KCNQ1: variants seen among roughly 807,000 people sequenced by gnomAD.
KCNQ1 encodes the protein potassium voltage-gated channel subfamily KQT member 1.
In KCNQ1, 49 loss-of-function variants were observed where a neutral mutation model predicts 72.4. The observed-to-expected ratio is 0.68, with a 90% CI of 0.54 to 0.86. The LOEUF is 0.86. KCNQ1 is among the 40% of genes least tolerant of loss of function. KCNQ1 has a pLI of 0.00. For missense variants in KCNQ1, 790 were observed against 945.1 expected (o/e 0.84, Z 2.15); for synonymous variants, 450 against 412.6 (o/e 1.09, Z -1.10).
At chr11:2,453,229 C>G (rs546210954) in intron 1 of KCNQ1, among the ~76,000 whole-genome samples, 1 of 152,064 alleles carries the variant, frequency 6.6e-6, no homozygotes, top group African/African-American at 2.4e-5. Context: ...CAGAATTAGC[C>G]GGGCGTGGTG....
Position 2,528,343 on chromosome 11 carries a change from C to T in KCNQ1, c.477+325C>T, listed in dbSNP as rs530128213. Among the ~76,000 whole-genome samples the T allele has an allele frequency of 2.0e-5, 3 of 152,276 alleles. No individual in the cohort carries two copies. The East Asian group carries it at 5.8e-4, about 29-fold the overall frequency. On this transcript the variant is annotated intron_variant, in intron 2 of 15. Transcript: ENST00000155840. Reference sequence around the variant, plus strand: ...GTAGAGCTGGTGTGGCCAGCAAAGGCCTGCCCGAGCCTTCGTGTCCCTGGG... The same window carrying T: ...GTAGAGCTGGTGTGGCCAGCAAAGGTCTGCCCGAGCCTTCGTGTCCCTGGG...
At chr11:2,594,909 C>T (rs551144485) in intron 10 of KCNQ1, among the ~76,000 whole-genome samples, 2 of 152,280 alleles carry the variant, frequency 1.3e-5, no homozygotes, top group East Asian at 3.9e-4. Context: ...CATGATGGCT[C>T]ATTTCATTGT....
chr11:2,649,302 T>C (rs575879249), intron 10 of KCNQ1: 26 of 398,572 alleles, frequency 6.5e-5, no homozygotes, highest in Admixed American at 4.0e-4. Flanking sequence ...ATTGTTTTTC[T>C]TTGCAATTTT....
Position 2,830,766 on chromosome 11 carries a change from C to A in KCNQ1, c.1795-17001C>A, listed in dbSNP as rs1456149327. Among the ~76,000 whole-genome samples the A allele has an allele frequency of 6.6e-6, 1 of 152,218 alleles. No individual in the cohort carries two copies. The highest frequency in any genetic ancestry group is 2.4e-5 in the African/African-American group (1 of 41,462). On this transcript the variant is annotated intron_variant, in intron 15 of 15. Transcript: ENST00000155840. This position sits in a 1 kb window ranked among gnomAD's most constrained non-coding sequence, Gnocchi z 7.7. ...TCCCAAGGGCACCCCACGTGTGTGC[C>A]CTCCAGCACCCTGGCCACAGAGCCA...
At chr11:2,798,631 C>T (rs1847192620) in intron 15 of KCNQ1, among the ~76,000 whole-genome samples, 1 of 151,786 alleles carries the variant, frequency 6.6e-6, no homozygotes, top group African/African-American at 2.4e-5. Flanking sequence ...GTGTAAACAA[C>T]AGCTTGAAAT....
intron 1 of KCNQ1, among the ~76,000 whole-genome samples, chr11:2,518,812 G>T (rs374748442): frequency 6.6e-6 from 1 of 152,170 alleles, no homozygotes; most frequent in Admixed American, 6.5e-5. Context: ...CTCAGCTGCC[G>T]CGGAACAAGC....
At position 2,848,869 on chromosome 11, in the gene KCNQ1, G is replaced by C; in HGVS notation, c.*866G>C. ...CCTACACAGGACAGGGGTTCCTTCT[G>C]GGCATTACATCGCATAGAAATCAAT... On this transcript the variant is annotated 3_prime_UTR_variant, in exon 16 of 16. Transcript: ENST00000155840. 2.2e-6 allele frequency: 1 copy of C among 454,176 alleles called. No individual in the cohort carries two copies. The highest frequency in any genetic ancestry group is 4.4e-6 in the Non-Finnish European group (1 of 226,812). 28.1% of individuals were successfully genotyped at this position (454,176 alleles called of 1,614,324 possible). A position where few individuals can be genotyped will look rare whatever the true frequency, so the allele number is the denominator to read the frequency against.
rs1846738990 is a variant in KCNQ1, at chr11:2,486,253, G to A, written c.386+40769G>A. Among the ~76,000 whole-genome samples, 1 of 152,150 alleles carries A rather than the reference G, an allele frequency of 6.6e-6. No homozygotes were observed. The highest frequency in any genetic ancestry group is 2.4e-5 in the African/African-American group (1 of 41,420). ...TTTACATTTTCTTATGAGTAGTGAT[G>A]TTGAGTATCTTTTCATGCTCTTATT... On this transcript the variant is annotated intron_variant, in intron 1 of 15. Transcript: ENST00000155840. The surrounding 1 kb of genome is among the most constrained non-coding windows in gnomAD (Gnocchi z 5.0).
At chr11:2,622,082 T>G in intron 10 of KCNQ1, 1 of 398,384 alleles carries the variant, frequency 2.5e-6, no homozygotes. Context: ...CACTGTCATT[T>G]GTCTGAAGAT....
Position 2,559,009 on chromosome 11 carries a change from C to T in KCNQ1, c.478-11619C>T, listed in dbSNP as rs987287843. On this transcript the variant is annotated intron_variant, in intron 2 of 15. Transcript: ENST00000155840. This position sits in a 1 kb window ranked among gnomAD's most constrained non-coding sequence, Gnocchi z 4.9. Reference sequence around the variant, plus strand: ...CTCCTGCTCAGACCCAGGTGAGGTACCTGAGTGACAAATGTCAAGAGTTTG... The same window carrying T: ...CTCCTGCTCAGACCCAGGTGAGGTATCTGAGTGACAAATGTCAAGAGTTTG... 1.1e-4 allele frequency among the ~76,000 whole-genome samples: 17 copies of T among 152,184 alleles called. No homozygotes were observed. Among genetic ancestry groups the T allele is most frequent in the Admixed American group, 1.1e-3 (17 of 15,288 alleles).
At position 2,572,004 on chromosome 11, in the gene KCNQ1, C is replaced by A; in HGVS notation, c.684-9C>A. The A allele has an allele frequency of 6.2e-7, 1 of 1,610,946 alleles. No homozygotes were observed. Among genetic ancestry groups the A allele is most frequent in the East Asian group, 2.2e-5 (1 of 44,828 alleles). ...TGGCTCCCTCAGCCCCACACCATCT[C>A]CTTCGCAGGGGCATCCGCTTCCTGC... On this transcript the variant is annotated splice_polypyrimidine_tract_variant and intron_variant, in intron 4 of 15. Coordinates refer to ENST00000155840, the MANE Select transcript of KCNQ1 (RefSeq NM_000218.3).
At position 2,600,797 on chromosome 11, in the gene KCNQ1, T is replaced by A. The variant is rs1054192953; in HGVS notation, c.1393+11943T>A. Among the ~76,000 whole-genome samples, 18 of 152,168 alleles carry A rather than the reference T, an allele frequency of 1.2e-4. No homozygotes were observed. The highest frequency in any genetic ancestry group is 3.3e-4 in the Admixed American group (5 of 15,268). ...GGAACATTTCTAGTCTCTTTCTCTG[T>A]TATGACACTGATATTTTTTAAAGAT... On this transcript the variant is annotated intron_variant, in intron 10 of 15. Coordinates refer to ENST00000155840, the MANE Select transcript of KCNQ1 (RefSeq NM_000218.3). This position sits in a 1 kb window ranked among gnomAD's most constrained non-coding sequence, Gnocchi z 5.6.
At chr11:2,637,921 C>A (rs1475671093) in intron 10 of KCNQ1, 1 of 152,206 alleles carries the variant, frequency 6.6e-6, no homozygotes, top group African/African-American at 2.4e-5. Context: ...GAATTGATCC[C>A]TTTACCATTA....
chr11:2,797,031 G>A (rs1847150049), intron 15 of KCNQ1, among the ~76,000 whole-genome samples: 1 of 152,238 alleles, frequency 6.6e-6, no homozygotes, highest in Non-Finnish European at 1.5e-5. Flanking sequence ...CTGGTGGCAA[G>A]TGGCGGCAAA....
intron 1 of KCNQ1, among the ~76,000 whole-genome samples, chr11:2,513,173 C>T (rs1178903231): frequency 6.6e-6 from 1 of 152,174 alleles, no homozygotes; most frequent in Non-Finnish European, 1.5e-5. Context: ...CAGGGACTCC[C>T]CCACCCTCCG....
chr11:2,549,403 C>T lies in KCNQ1; in HGVS notation c.478-21225C>T, dbSNP rs1589944444. Among the ~76,000 whole-genome samples, 1 of 152,148 alleles carries T rather than the reference C, an allele frequency of 6.6e-6. No homozygotes were observed. Among genetic ancestry groups the T allele is most frequent in the Admixed American group, 6.5e-5 (1 of 15,288 alleles). On this transcript the variant is annotated intron_variant, in intron 2 of 15. Coordinates refer to ENST00000155840, the MANE Select transcript of KCNQ1 (RefSeq NM_000218.3). This position sits in a 1 kb window ranked among gnomAD's most constrained non-coding sequence, Gnocchi z 6.2. ...CGCCATCCTCTCTCCACACATCTGA[C>T]CTTTGCCTGCTTTGGGGGCAGTTTG... is the stretch of plus-strand genomic sequence containing the variant.
Position 2,828,970 on chromosome 11 carries a change from C to A in KCNQ1, c.1795-18797C>A, listed in dbSNP as rs1324321850. ...AAAGCTAGCACATAGTAGAGAAATG[C>A]CTTCAAACATCTGAGGGAAAAAATG... On this transcript the variant is annotated intron_variant, in intron 15 of 15. Coordinates refer to ENST00000155840, the MANE Select transcript of KCNQ1 (RefSeq NM_000218.3). The surrounding 1 kb of genome is among the most constrained non-coding windows in gnomAD (Gnocchi z 5.3). 6.6e-6 allele frequency among the ~76,000 whole-genome samples: 1 copy of A among 152,168 alleles called. No homozygotes were observed. Among genetic ancestry groups the A allele is most frequent in the Non-Finnish European group, 1.5e-5 (1 of 68,032 alleles).
intron 1 of KCNQ1, 110 bp downstream of exon 1, chr11:2,445,594 GAGGAGGGA>G: frequency 7.8e-7 from 1 of 1,274,738 alleles, no homozygotes; most frequent in Non-Finnish European, 1.1e-6. Context: ...CCCCGGAGCA[GAGGAGGGA>G]AGGAAGTGGG....
At chr11:2,729,075 C>G (rs11023927) in intron 11 of KCNQ1, among the ~76,000 whole-genome samples, 3 of 152,374 alleles carry the variant, frequency 2.0e-5, no homozygotes, top group East Asian at 3.9e-4. Context: ...TCCCACCCCC[C>G]GCCTGCCCCA....
Sources: gnomAD v4.1 joint callset for allele counts (sites outside exome capture counted in the v4.1 genomes callset) on GRCh38, gnomAD v4.1.1 for gene constraint, Gnocchi (gnomAD v3.1) non-coding constraint, MANE v1.5 for transcripts, NCBI Gene and HGNC (gene_info 2026-07-23, HGNC 2026-07-21) for gene names.